The following SLC9A2 variants were observed in gnomAD, a reference collection of about 807,000 sequenced individuals.
SLC9A2 encodes solute carrier family 9 member A2.
In SLC9A2, 42 loss-of-function variants were observed where a neutral mutation model predicts 71.7. The ratio of observed to expected loss-of-function variants is 0.59; its 90% CI spans 0.46 to 0.76. SLC9A2 has a LOEUF of 0.76. SLC9A2 is among the 30% of genes least tolerant of loss of function. The pLI is 0.00. For synonymous variants in SLC9A2, 396 were observed against 392.5 expected (o/e 1.01, Z -0.10); for missense variants, 829 against 1,017.4 (o/e 0.81, Z 2.52).
At chr2:102,669,272 T>G (rs1217461377) in intron 3 of SLC9A2, among the ~76,000 whole-genome samples, 3 of 152,222 alleles carry the variant, frequency 2.0e-5, no homozygotes, top group African/African-American at 7.2e-5. Context: ...CTTCCTAATA[T>G]TCCAAAACCT....
rs1266844884 is a variant in SLC9A2 at position 102,708,647 on chromosome 2, C to A, written c.*158C>A. The A allele has an allele frequency of 6.4e-6, 5 of 777,342 alleles. No individual in the cohort carries two copies. Among genetic ancestry groups the A allele is most frequent in the Non-Finnish European group, 7.9e-6 (4 of 507,708 alleles). The allele number at this position is 777,342 out of a possible 1,614,324, so 48.2% of individuals were successfully genotyped here. A position where few individuals can be genotyped will look rare whatever the true frequency, so the allele number is the denominator to read the frequency against. On this transcript the variant is annotated 3_prime_UTR_variant, in exon 12 of 12. Coordinates refer to ENST00000233969, the MANE Select transcript of SLC9A2 (RefSeq NM_003048.6). The stretch of plus-strand genomic sequence containing the variant: ...ATGCCACGGATAAATGAGGCAAATC[C>A]GAAGAAAAGGAAAATCGAATAAAAA...
Position 102,619,588 on chromosome 2 carries a change from G to A in SLC9A2, c.-261G>A, listed in dbSNP as rs1206000967. ...GCACCGGCATGGGCAGGCGGCCGGC[G>A]GCGGAGGGCGGCTGAGGGCTGCTGA... On this transcript the variant is annotated 5_prime_UTR_variant, in exon 1 of 12. Coordinates refer to ENST00000233969, the MANE Select transcript of SLC9A2 (RefSeq NM_003048.6). The surrounding 1 kb of genome is among the most constrained non-coding windows in gnomAD (Gnocchi z 4.3). The A allele has an allele frequency of 1.5e-5, 5 of 331,564 alleles. No individual in the cohort carries two copies. The highest frequency in any genetic ancestry group is 2.2e-5 in the Non-Finnish European group (4 of 184,102). 20.5% of individuals were successfully genotyped at this position (331,564 alleles called of 1,614,324 possible).
chr2:102,668,842 G>C (rs553396216), intron 3 of SLC9A2, among the ~76,000 whole-genome samples: 1 of 151,932 alleles, frequency 6.6e-6, no homozygotes, highest in Non-Finnish European at 1.5e-5. Flanking sequence ...TGTCTTCTTC[G>C]TGTTGCCTTT....
intron 5 of SLC9A2, among the ~76,000 whole-genome samples, chr2:102,692,798 T>C (rs1385532748): frequency 1.3e-5 from 2 of 152,184 alleles, no homozygotes; most frequent in Non-Finnish European, 2.9e-5. Context: ...GAGAGAAAAC[T>C]GTCATTACAA....
intron 1 of SLC9A2, among the ~76,000 whole-genome samples, chr2:102,620,502 G>A (rs912382755): frequency 2.0e-5 from 3 of 152,146 alleles, no homozygotes; most frequent in Admixed American, 1.3e-4. Context: ...GACGAACCCC[G>A]GAGCTATGCA....
intron 1 of SLC9A2, among the ~76,000 whole-genome samples, chr2:102,653,619 C>T (rs922670173): frequency 2.6e-5 from 4 of 152,110 alleles, no homozygotes; most frequent in African/African-American, 9.7e-5. Flanking sequence ...TCTCTCTTTT[C>T]CCTGGTTTCC....
At chr2:102,651,033 A>G (rs1416055048) in intron 1 of SLC9A2, among the ~76,000 whole-genome samples, 1 of 152,010 alleles carries the variant, frequency 6.6e-6, no homozygotes, top group Non-Finnish European at 1.5e-5. Context: ...ATTTGTTTGA[A>G]CCTCAAACTA....
chr2:102,646,488 A>G (rs1676725392), intron 1 of SLC9A2, among the ~76,000 whole-genome samples: 1 of 152,214 alleles, frequency 6.6e-6, no homozygotes, highest in African/African-American at 2.4e-5. Context: ...AAATGCCCCA[A>G]TTAAAAGACA....
intron 8 of SLC9A2, among the ~76,000 whole-genome samples, chr2:102,701,792 A>T (rs1677879268): frequency 6.6e-6 from 1 of 152,210 alleles, no homozygotes; most frequent in Non-Finnish European, 1.5e-5. Flanking sequence ...ACAAGAAAGC[A>T]GATGTCTCCT....
chr2:102,630,667 T>G (rs1396492720), intron 1 of SLC9A2, among the ~76,000 whole-genome samples: 1 of 152,016 alleles, frequency 6.6e-6, no homozygotes, highest in Non-Finnish European at 1.5e-5. Flanking sequence ...CTTACCATAT[T>G]TTACTCTCAG....
chr2:102,674,258 T>C (rs947940947), intron 3 of SLC9A2, among the ~76,000 whole-genome samples: 3 of 152,152 alleles, frequency 2.0e-5, no homozygotes, highest in African/African-American at 7.2e-5. Context: ...AGGTCAAGCT[T>C]GGCCCTTCCT....
At chr2:102,659,207 C>A (rs193095474) in intron 2 of SLC9A2, among the ~76,000 whole-genome samples, 420 of 150,776 alleles carry the variant, frequency 2.8e-3, no homozygotes, top group African/African-American at 9.9e-3. Flanking sequence ...GCAGGTGGAT[C>A]ACTTGAAGGT....
chr2:102,627,938 T>C (rs995150011), intron 1 of SLC9A2, among the ~76,000 whole-genome samples: 13 of 152,144 alleles, frequency 8.5e-5, no homozygotes, highest in Non-Finnish European at 1.5e-5. Context: ...AGCTCCAAAA[T>C]TGACATGCAC....
At chr2:102,681,597 G>A (rs79847986) in intron 3 of SLC9A2, among the ~76,000 whole-genome samples, 1,948 of 152,312 alleles carry the variant, frequency 0.013, 36 homozygotes, top group Non-Finnish European at 0.015. Context: ...GTTTTTATAT[G>A]AGTCCTCAAC....
intron 1 of SLC9A2, among the ~76,000 whole-genome samples, chr2:102,633,378 C>T (rs940006135): frequency 1.4e-4 from 22 of 152,082 alleles, no homozygotes; most frequent in Non-Finnish European, 2.8e-4. Flanking sequence ...TATCACACTT[C>T]CGGTGTGGTC....
chr2:102,628,734 A>C (rs1316163531), intron 1 of SLC9A2, among the ~76,000 whole-genome samples: 1 of 152,040 alleles, frequency 6.6e-6, no homozygotes. Context: ...TCAGTTTTAG[A>C]GATAGGTTCT....
chr2:102,620,873 A>T (rs1287534855), intron 1 of SLC9A2, among the ~76,000 whole-genome samples: 1 of 152,158 alleles, frequency 6.6e-6, no homozygotes, highest in African/African-American at 2.4e-5. Context: ...ACCAAACAGT[A>T]CAAAAATAAA....
At chr2:102,680,971 G>A (rs1677442622) in intron 3 of SLC9A2, among the ~76,000 whole-genome samples, 1 of 152,170 alleles carries the variant, frequency 6.6e-6, no homozygotes, top group Admixed American at 6.5e-5. Flanking sequence ...AGAGCCTCCA[G>A]AAGGAAAAAG....
chr2:102,670,756 C>T (rs573211709), intron 3 of SLC9A2, among the ~76,000 whole-genome samples: 22 of 150,950 alleles, frequency 1.5e-4, no homozygotes, highest in South Asian at 4.2e-4. Context: ...GGTGAAGGTG[C>T]GAAGATCATC....
Sources: allele counts gnomAD v4.1 joint callset (sites outside exome capture counted in the v4.1 genomes callset), GRCh38; gene constraint gnomAD v4.1.1; non-coding constraint Gnocchi (gnomAD v3.1); transcripts MANE v1.5; gene names NCBI Gene and HGNC (gene_info 2026-07-23, HGNC 2026-07-21).